The following KCNQ3 variants were observed in gnomAD, a reference collection of about 807,000 sequenced individuals.
KCNQ3 encodes the protein potassium voltage-gated channel subfamily Q member 3.
KCNQ3 carries 30 observed loss-of-function variants against 92.5 expected under a neutral mutation model. The observed-to-expected ratio is 0.32, with a 90% CI of 0.24 to 0.44. The LOEUF (loss-of-function observed/expected upper bound fraction) is 0.44, where lower values mean the gene tolerates loss of function less well. Among genes scored for constraint, KCNQ3 ranks in the 20% least tolerant of loss-of-function variants. The pLI, the probability that KCNQ3 is intolerant of heterozygous loss-of-function variation, is 1.00. For missense variants in KCNQ3, 913 were observed against 1,140.3 expected (o/e 0.80, Z 2.87); for synonymous variants, 450 against 468.8 (o/e 0.96, Z 0.52).
At chr8:132,250,497 T>G (rs1417109836) in intron 1 of KCNQ3, among the ~76,000 whole-genome samples, 1 of 151,648 alleles carries the variant, frequency 6.6e-6, no homozygotes, top group Non-Finnish European at 1.5e-5. Flanking sequence ...TCATAATGTA[T>G]TTTAAATATT....
chr8:132,130,426 T>C (rs1341848973), intron 14 of KCNQ3, among the ~76,000 whole-genome samples: 3 of 152,330 alleles, frequency 2.0e-5, no homozygotes, highest in South Asian at 2.1e-4. Flanking sequence ...GGAAGATAAT[T>C]CTTGCAACTC....
chr8:132,208,028 G>C (rs1317644633), intron 1 of KCNQ3, among the ~76,000 whole-genome samples: 1 of 151,722 alleles, frequency 6.6e-6, no homozygotes, highest in Non-Finnish European at 1.5e-5. Context: ...CATGATGGCT[G>C]ATTGTTGTAG....
At chr8:132,437,041 A>G (rs1821412381) in intron 1 of KCNQ3, among the ~76,000 whole-genome samples, 1 of 151,456 alleles carries the variant, frequency 6.6e-6, no homozygotes, top group African/African-American at 2.4e-5. Context: ...GCACTTTGGG[A>G]GGCCGAGGCG....
intron 1 of KCNQ3, among the ~76,000 whole-genome samples, chr8:132,317,772 C>T (rs2130627561): frequency 6.6e-6 from 1 of 152,260 alleles, no homozygotes; most frequent in Non-Finnish European, 1.5e-5. Context: ...CTCCTGCCCT[C>T]CTTGTGGAGA....
intron 6 of KCNQ3, 110 bp downstream of exon 6, chr8:132,174,129 G>T: frequency 1.3e-6 from 1 of 795,544 alleles, no homozygotes; most frequent in Non-Finnish European, 2.2e-6. Flanking sequence ...TGGCTAGGGA[G>T]TTGGTAGGGT....
chr8:132,357,713 T>C (rs571792428), intron 1 of KCNQ3, among the ~76,000 whole-genome samples: 1 of 152,228 alleles, frequency 6.6e-6, no homozygotes, highest in African/African-American at 2.4e-5. Context: ...GCTTCTGTGA[T>C]CTTCCTGAGA....
At chr8:132,151,982 G>T (rs753415705) in intron 9 of KCNQ3, among the ~76,000 whole-genome samples, 7 of 152,120 alleles carry the variant, frequency 4.6e-5, no homozygotes, top group Non-Finnish European at 7.4e-5. Flanking sequence ...CATAATTAAG[G>T]TTATGTTAAG....
At chr8:132,332,440 C>G (rs1403224153) in intron 1 of KCNQ3, among the ~76,000 whole-genome samples, 1 of 152,216 alleles carries the variant, frequency 6.6e-6, no homozygotes, top group Non-Finnish European at 1.5e-5. Flanking sequence ...GTTCTGACAT[C>G]CAAACTGTGC....
intron 9 of KCNQ3, among the ~76,000 whole-genome samples, chr8:132,154,192 A>ATTTT (rs1563775830): frequency 9.6e-6 from 1 of 104,476 alleles, no homozygotes; most frequent in African/African-American, 3.3e-5. Context: ...AAAGGGTAAA[A>ATTTT]GTTTTTTTTT....
Position 132,424,509 on chromosome 8 carries a change from G to A in KCNQ3, c.386+55638C>T, listed in dbSNP as rs577167974. On this transcript the variant is annotated intron_variant, in intron 1 of 14. Coordinates refer to ENST00000388996, the MANE Select transcript of KCNQ3 (RefSeq NM_004519.4). ...GTCCATTGGTGGCAGACCAGGGCAA[G>A]AGCCCAGGGCTCTGGGGACTCAGGC... 1.2e-4 allele frequency among the ~76,000 whole-genome samples: 18 copies of A among 152,326 alleles called. No individual in the cohort carries two copies. In the South Asian group the frequency reaches 3.3e-3, roughly 28 times the overall value.
chr8:132,391,834 T>G (rs1427249344), intron 1 of KCNQ3, among the ~76,000 whole-genome samples: 1 of 152,146 alleles, frequency 6.6e-6, no homozygotes. Context: ...CAGATGCCCA[T>G]GGCACCTGGG....
intron 1 of KCNQ3, among the ~76,000 whole-genome samples, chr8:132,271,519 C>T (rs1010308329): frequency 6.6e-6 from 1 of 152,152 alleles, no homozygotes; most frequent in Non-Finnish European, 1.5e-5. Context: ...GTAGTAACTT[C>T]CCTTAACCTA....
At chr8:132,366,335 G>A (rs2130731165) in intron 1 of KCNQ3, among the ~76,000 whole-genome samples, 1 of 152,144 alleles carries the variant, frequency 6.6e-6, no homozygotes, top group African/African-American at 2.4e-5. Context: ...GTCTCTCTTA[G>A]TAGTACATTT....
Position 132,246,685 on chromosome 8 carries a change from A to C in KCNQ3, c.387-60504T>G, listed in dbSNP as rs375210637. On this transcript the variant is annotated intron_variant, in intron 1 of 14. Transcript: ENST00000388996. ...ATTATTTAATGGAGGATTCCACTTC[A>C]GGGTTGAGACAGCACTTCCTGCCTT... 2.2e-4 allele frequency among the ~76,000 whole-genome samples: 33 copies of C among 152,314 alleles called. No homozygotes were observed. In the East Asian group the frequency reaches 5.8e-3, roughly 27 times the overall value.
chr8:132,430,384 T>C lies in KCNQ3; in HGVS notation c.386+49763A>G, dbSNP rs116507186. ...GTGACCAAACCAAGCATTTCTGTCA[T>C]GTCTCAATAATGTGGTAGAGAAAGG... On this transcript the variant is annotated intron_variant, in intron 1 of 14. Transcript: ENST00000388996. 3.1e-3 allele frequency among the ~76,000 whole-genome samples: 469 copies of C among 152,352 alleles called. 1 individual carries two copies. Among genetic ancestry groups the C allele is most frequent in the African/African-American group, 0.011 (438 of 41,572 alleles).
chr8:132,155,881 CT>C (rs1245905265), intron 9 of KCNQ3, among the ~76,000 whole-genome samples: 1 of 152,164 alleles, frequency 6.6e-6, no homozygotes, highest in Non-Finnish European at 1.5e-5. Flanking sequence ...GGACTGACCA[CT>C]GGATTGGAAG....
chr8:132,168,942 G>C (rs534592497), intron 8 of KCNQ3, among the ~76,000 whole-genome samples: 2 of 152,004 alleles, frequency 1.3e-5, no homozygotes, highest in Admixed American at 1.3e-4. Flanking sequence ...TTCTTTCCAA[G>C]TCAAGGGTTC....
intron 1 of KCNQ3, among the ~76,000 whole-genome samples, chr8:132,356,345 T>C (rs936892214): frequency 1.3e-5 from 2 of 152,164 alleles, no homozygotes; most frequent in African/African-American, 4.8e-5. Flanking sequence ...AAAGATAAGA[T>C]AGCAGCAGTG....
At chr8:132,442,665 G>A (rs1371229659) in intron 1 of KCNQ3, among the ~76,000 whole-genome samples, 2 of 152,162 alleles carry the variant, frequency 1.3e-5, no homozygotes, top group African/African-American at 4.8e-5. Flanking sequence ...AGCCGCATGA[G>A]CTCCTACCCG....
Sources: allele counts gnomAD v4.1 joint callset (sites outside exome capture counted in the v4.1 genomes callset), GRCh38; gene constraint gnomAD v4.1.1; transcripts MANE v1.5; gene names NCBI Gene and HGNC (gene_info 2026-07-23, HGNC 2026-07-21).